The following SPIN1 variants were observed in gnomAD, a reference collection of about 807,000 sequenced individuals.
The protein encoded by SPIN1 is spindlin 1.
Under a neutral mutation model 26.0 loss-of-function variants are expected in SPIN1, and 3 were observed. The ratio of observed to expected loss-of-function variants is 0.12; its 90% CI spans 0.05 to 0.30. The LOEUF is 0.30. SPIN1 is among the 10% of genes least tolerant of loss of function. The probability of loss-of-function intolerance (pLI) is 1.00; values close to 1 mark genes in which losing one functional copy is unlikely to be tolerated. For missense variants in SPIN1, 126 were observed against 333.4 expected (o/e 0.38, Z 4.84); for synonymous variants, 101 against 116.5 (o/e 0.87, Z 0.86).
At position 88,473,409 on chromosome 9, in the gene SPIN1, A is replaced by AG. The variant is rs1278141089; in HGVS notation, c.590-1669_590-1668insG. Among the ~76,000 whole-genome samples, 5 of 151,756 alleles carry AG rather than the reference A, an allele frequency of 3.3e-5. 1 individual carries two copies. The East Asian group carries it at 5.8e-4, about 18-fold the overall frequency. Reference sequence around the variant, plus strand: ...ACTCCGTCTCAAAAAGAAAAAAAAAATTGTGTACATTTGTTATAAAGGGGT... The same window carrying AG: ...ACTCCGTCTCAAAAAGAAAAAAAAAAGTTGTGTACATTTGTTATAAAGGGGT... On this transcript the variant is annotated intron_variant, in intron 5 of 5. Coordinates refer to ENST00000375859, the MANE Select transcript of SPIN1 (RefSeq NM_006717.3).
chr9:88,399,425 AGTG>A (rs1827140228), intron 1 of SPIN1, among the ~76,000 whole-genome samples: 1 of 152,200 alleles, frequency 6.6e-6, no homozygotes, highest in Admixed American at 6.5e-5. Flanking sequence ...ATGGATGTAA[AGTG>A]GGGAAGAAGA....
chr9:88,427,243 G>T (rs1827780721), intron 2 of SPIN1, among the ~76,000 whole-genome samples: 1 of 152,108 alleles, frequency 6.6e-6, no homozygotes, highest in Admixed American at 6.6e-5. Context: ...TTTGACAAAT[G>T]AATCAGAATT....
At chr9:88,402,521 T>A (rs574505572) in intron 1 of SPIN1, among the ~76,000 whole-genome samples, 1 of 151,976 alleles carries the variant, frequency 6.6e-6, no homozygotes, top group African/African-American at 2.4e-5. Context: ...TTTTTTTTTT[T>A]TTTTTTATAG....
At chr9:88,429,310 C>T (rs1359928314) in intron 2 of SPIN1, among the ~76,000 whole-genome samples, 3 of 152,110 alleles carry the variant, frequency 2.0e-5, no homozygotes, top group Non-Finnish European at 4.4e-5. Context: ...TGATACTGTC[C>T]ACCTAGAGAC....
At chr9:88,450,458 A>T (rs977309846) in intron 3 of SPIN1, among the ~76,000 whole-genome samples, 1 of 152,200 alleles carries the variant, frequency 6.6e-6, no homozygotes, top group South Asian at 2.1e-4. Context: ...GATTTCAGAT[A>T]TTAATAGGTT....
rs562738823 is a variant in SPIN1 at position 88,392,620 on chromosome 9, TTTCCTTCC to T, written c.-159+4096_-159+4103del. 1.6e-3 allele frequency among the ~76,000 whole-genome samples: 238 copies of T among 152,036 alleles called. 4 individuals are homozygous for T. Among genetic ancestry groups the T allele is most frequent in the African/African-American group, 5.1e-4 (21 of 41,502 alleles). ...CCTTCCTTCCCTCCTTCCTTCCTTC[TTTCCTTCC>T]TTCCTTCCTTCCTCCCTCTTTTTCT... On this transcript the variant is annotated intron_variant, in intron 1 of 5. Transcript: ENST00000375859.
intron 2 of SPIN1, among the ~76,000 whole-genome samples, chr9:88,447,158 G>T (rs1828268824): frequency 6.6e-6 from 1 of 151,804 alleles, no homozygotes; most frequent in African/African-American, 2.4e-5. Flanking sequence ...TGTGTGTCAA[G>T]GTCACTGCTC....
At chr9:88,419,517 A>C (rs1481252636) in intron 1 of SPIN1, among the ~76,000 whole-genome samples, 1 of 152,202 alleles carries the variant, frequency 6.6e-6, no homozygotes, top group Non-Finnish European at 1.5e-5. Flanking sequence ...AGAAGAAAAA[A>C]AAGAAAATTT....
chr9:88,396,740 C>T (rs879358807), intron 1 of SPIN1, among the ~76,000 whole-genome samples: 2 of 152,054 alleles, frequency 1.3e-5, no homozygotes, highest in Non-Finnish European at 2.9e-5. Context: ...TTCAGAGAAC[C>T]TCGTTGTGTA....
rs1828878212 is a variant in SPIN1, at chr9:88,475,724, A to C, written c.*447A>C. ...ATATATAATATATACACACAGATACAAGTGTACACACACACACCACACACC... is the reference window on the plus strand; with the variant it reads ...ATATATAATATATACACACAGATACCAGTGTACACACACACACCACACACC... On this transcript the variant is annotated 3_prime_UTR_variant, in exon 6 of 6. Coordinates refer to ENST00000375859, the MANE Select transcript of SPIN1 (RefSeq NM_006717.3). The C allele has an allele frequency of 6.4e-6, 1 of 156,314 alleles. No individual in the cohort carries two copies. Among genetic ancestry groups the C allele is most frequent in the African/African-American group, 2.4e-5 (1 of 41,440 alleles). 9.7% of individuals were successfully genotyped at this position (156,314 alleles called of 1,614,324 possible).
At chr9:88,425,752 C>T (rs1827753275) in intron 1 of SPIN1, among the ~76,000 whole-genome samples, 3 of 151,904 alleles carry the variant, frequency 2.0e-5, no homozygotes, top group Admixed American at 2.0e-4. Context: ...CTTTGAGGCT[C>T]CGCTGAAATT....
At chr9:88,396,408 C>T (rs1235513970) in intron 1 of SPIN1, among the ~76,000 whole-genome samples, 4 of 151,810 alleles carry the variant, frequency 2.6e-5, no homozygotes, top group Non-Finnish European at 5.9e-5. Flanking sequence ...TTGAGGCCAG[C>T]CTGGCCAACA....
chr9:88,461,050 T>C (rs946124514), intron 3 of SPIN1, among the ~76,000 whole-genome samples: 2 of 152,256 alleles, frequency 1.3e-5, no homozygotes, highest in African/African-American at 4.8e-5. Context: ...CCAACCATGA[T>C]GCTTCCAGAC....
At chr9:88,395,268 T>C (rs1016530385) in intron 1 of SPIN1, among the ~76,000 whole-genome samples, 5 of 152,132 alleles carry the variant, frequency 3.3e-5, no homozygotes, top group African/African-American at 9.6e-5. Flanking sequence ...TTTTCTGATA[T>C]TTCATTTTTG....
intron 1 of SPIN1, among the ~76,000 whole-genome samples, chr9:88,399,339 G>T (rs7852064): frequency 1.3e-5 from 2 of 152,034 alleles, no homozygotes; most frequent in African/African-American, 4.8e-5. Context: ...GCCGTTAAGC[G>T]GTTTCTGTCA....
At position 88,441,094 on chromosome 9, in the gene SPIN1, A is replaced by G. The variant is rs1348581874; in HGVS notation, c.53-7847A>G. Among the ~76,000 whole-genome samples, 11 of 151,808 alleles carry G rather than the reference A, an allele frequency of 7.2e-5. 1 individual carries two copies. Among genetic ancestry groups the G allele is most frequent in the Admixed American group, 7.2e-4 (11 of 15,266 alleles). ...ACACAGATTGAAAATATCCAGAAAA[A>G]CATCATTGTGCCTATACTATAAACA... On this transcript the variant is annotated intron_variant, in intron 2 of 5. Transcript: ENST00000375859.
At chr9:88,397,346 C>T (rs1057243277) in intron 1 of SPIN1, among the ~76,000 whole-genome samples, 5 of 152,052 alleles carry the variant, frequency 3.3e-5, no homozygotes, top group African/African-American at 1.2e-4. Context: ...TCAGCCTCAT[C>T]TTGTACTGTT....
In SPIN1 at chr9:88,448,852, A is replaced by G. The variant is rs568370858; in HGVS notation, c.53-89A>G. On this transcript the variant is annotated intron_variant, in intron 2 of 5. Transcript: ENST00000375859. ...GGTGTATTTTCTTTTCATATTCTGTATAGCAGTTTTTCAGAAGTTAAGATT... is the reference window on the plus strand; with the variant it reads ...GGTGTATTTTCTTTTCATATTCTGTGTAGCAGTTTTTCAGAAGTTAAGATT... The G allele has an allele frequency of 1.1e-4, 135 of 1,199,422 alleles. No individual in the cohort carries two copies. The South Asian group carries it at 1.6e-3, about 15-fold the overall frequency. 74.3% of individuals were successfully genotyped at this position (1,199,422 alleles called of 1,614,324 possible). A position where few individuals can be genotyped will look rare whatever the true frequency, so the allele number is the denominator to read the frequency against.
In SPIN1 at chr9:88,410,188, T is replaced by TGTGTGCGC. The variant is rs4029765; in HGVS notation, c.-158-16193_-158-16192insTGTGCGCG. 1.1e-3 allele frequency among the ~76,000 whole-genome samples: 157 copies of TGTGTGCGC among 142,966 alleles called. 1 individual carries two copies. Among genetic ancestry groups the TGTGTGCGC allele is most frequent in the African/African-American group, 4.3e-3 (150 of 34,548 alleles). 93.8% of individuals were successfully genotyped at this position (142,966 alleles called of 152,430 possible). A position where few individuals can be genotyped will look rare whatever the true frequency, so the allele number is the denominator to read the frequency against. On this transcript the variant is annotated intron_variant, in intron 1 of 5. Coordinates refer to ENST00000375859, the MANE Select transcript of SPIN1 (RefSeq NM_006717.3). Reference sequence around the variant, plus strand: ...GTGTGTGTGTGTGTGTGTGTGTGTGTGCAACTTTTTTTTTTTTTAAAGACA... The same window carrying TGTGTGCGC: ...GTGTGTGTGTGTGTGTGTGTGTGTGTGTGTGCGCGCAACTTTTTTTTTTTTTAAAGACA...
Sources: allele counts gnomAD v4.1 joint callset (sites outside exome capture counted in the v4.1 genomes callset), GRCh38; gene constraint gnomAD v4.1.1; transcripts MANE v1.5; gene names NCBI Gene and HGNC (gene_info 2026-07-23, HGNC 2026-07-21).